Variants in SEC24D observed in about 807,000 individuals in gnomAD.
SEC24D encodes protein transport protein Sec24D.
In SEC24D, 69 loss-of-function variants were observed where a neutral mutation model predicts 116.9. That is an observed-to-expected ratio of 0.59 (90% CI 0.49 to 0.72). The LOEUF (loss-of-function observed/expected upper bound fraction) is 0.72, where lower values mean the gene tolerates loss of function less well. Among genes scored for constraint, SEC24D ranks in the 30% least tolerant of loss-of-function variants. SEC24D has a pLI of 0.00. For synonymous variants in SEC24D, 405 were observed against 442.8 expected, an observed-to-expected ratio of 0.91 and a Z score of 1.07; for missense variants, 1,131 against 1,264.1, an observed-to-expected ratio of 0.89 and a Z score of 1.60.
intron 6 of SEC24D, among the ~76,000 whole-genome samples, chr4:118,813,979 CA>C (rs1730028558): frequency 6.6e-6 from 1 of 152,192 alleles, no homozygotes; most frequent in Non-Finnish European, 1.5e-5. Context: ...TATTAATAAA[CA>C]GTAGTGCTAA....
At chr4:118,746,346 C>T (rs1044569329) in intron 13 of SEC24D, among the ~76,000 whole-genome samples, 2 of 151,684 alleles carry the variant, frequency 1.3e-5, no homozygotes, top group African/African-American at 2.4e-5. Context: ...GAGCTGCTAC[C>T]GACATTTATT....
intron 8 of SEC24D, among the ~76,000 whole-genome samples, chr4:118,792,679 A>C (rs1407246022): frequency 2.0e-5 from 3 of 152,214 alleles, no homozygotes; most frequent in Non-Finnish European, 4.4e-5. Context: ...TGTTAAACAG[A>C]TGCTTGAAGG....
At chr4:118,771,309 T>C (rs1727889928) in intron 8 of SEC24D, among the ~76,000 whole-genome samples, 1 of 152,194 alleles carries the variant, frequency 6.6e-6, no homozygotes, top group Non-Finnish European at 1.5e-5. Flanking sequence ...ATTTAGCTCT[T>C]AGTATATCCC....
intron 12 of SEC24D, 139 bp downstream of exon 12, chr4:118,752,553 TTAACA>T: frequency 1.7e-6 from 1 of 601,290 alleles, no homozygotes. Context: ...AAAGACTGAC[TTAACA>T]TAAATGATAG....
chr4:118,804,865 T>C (rs1342805762), intron 7 of SEC24D, among the ~76,000 whole-genome samples: 1 of 144,634 alleles, frequency 6.9e-6, no homozygotes, highest in African/African-American at 2.5e-5. Context: ...CATATAAGCA[T>C]ACTTATGTGT....
At chr4:118,831,667 A>G (rs1441672904) in intron 2 of SEC24D, among the ~76,000 whole-genome samples, 1 of 150,822 alleles carries the variant, frequency 6.6e-6, no homozygotes, top group Non-Finnish European at 1.5e-5. Flanking sequence ...TGTGTGGCCC[A>G]TGACAATTCT....
At chr4:118,833,780 G>A (rs1578488511) in intron 1 of SEC24D, 43 bp from the exon 2 acceptor site, 2 of 907,784 alleles carry the variant, frequency 2.2e-6, no homozygotes, top group East Asian at 2.5e-5. Flanking sequence ...GACAGTTTTA[G>A]TTACGTAAAG....
chr4:118,779,816 C>T (rs1241570054), intron 8 of SEC24D, among the ~76,000 whole-genome samples: 1 of 152,146 alleles, frequency 6.6e-6, no homozygotes, highest in Non-Finnish European at 1.5e-5. Flanking sequence ...TCAACTTCTT[C>T]CTGGTTTAGT....
At chr4:118,803,762 G>A (rs1424471761) in intron 7 of SEC24D, among the ~76,000 whole-genome samples, 1 of 152,034 alleles carries the variant, frequency 6.6e-6, no homozygotes, top group African/African-American at 2.4e-5. Context: ...AATTACCTAA[G>A]CATTCTGTGC....
intron 3 of SEC24D, 57 bp from the exon 4 acceptor site, chr4:118,817,469 A>G: frequency 4.1e-6 from 6 of 1,470,460 alleles, no homozygotes; most frequent in Non-Finnish European, 4.6e-6. Flanking sequence ...CAAATGGCGT[A>G]CAATAATGTT....
chr4:118,794,797 G>A (rs549147032), intron 8 of SEC24D, among the ~76,000 whole-genome samples: 2 of 152,222 alleles, frequency 1.3e-5, no homozygotes, highest in South Asian at 4.1e-4. Context: ...GATTTTGTAT[G>A]TACAGTTATA....
At chr4:118,767,696 AC>A (rs1727703571) in intron 9 of SEC24D, among the ~76,000 whole-genome samples, 1 of 151,872 alleles carries the variant, frequency 6.6e-6, no homozygotes, top group African/African-American at 2.4e-5. Flanking sequence ...TCCTCCTTAA[AC>A]AATCCAACAT....
At chr4:118,787,687 C>T (rs779607058) in intron 8 of SEC24D, among the ~76,000 whole-genome samples, 6 of 152,080 alleles carry the variant, frequency 3.9e-5, no homozygotes, top group Non-Finnish European at 7.4e-5. Context: ...TGCACGTGGC[C>T]GTGGTCCCTA....
intron 10 of SEC24D, among the ~76,000 whole-genome samples, chr4:118,762,348 G>A (rs961013129): frequency 4.6e-5 from 7 of 152,198 alleles, no homozygotes; most frequent in Non-Finnish European, 8.8e-5. Flanking sequence ...GTTACTTTCT[G>A]GATGTATGGC....
chr4:118,827,365 C>A (rs1211271924), intron 2 of SEC24D, among the ~76,000 whole-genome samples: 8 of 152,064 alleles, frequency 5.3e-5, no homozygotes, highest in African/African-American at 1.9e-4. Context: ...GAATCAGGTC[C>A]TTTATAGAGC....
At chr4:118,740,617 G>A (rs758440649) in intron 17 of SEC24D, 46 bp downstream of exon 17, 29 of 1,598,818 alleles carry the variant, frequency 1.8e-5, no homozygotes, top group East Asian at 6.7e-5. Flanking sequence ...GATCATTGTC[G>A]GCAACAAACT....
At chr4:118,797,349 C>T (rs1404541662) in intron 8 of SEC24D, among the ~76,000 whole-genome samples, 3 of 152,174 alleles carry the variant, frequency 2.0e-5, no homozygotes, top group Non-Finnish European at 2.9e-5. Context: ...CAACAGAACA[C>T]CCACAATGTA....
chr4:118,754,668 C>T (rs1030712747), intron 11 of SEC24D, among the ~76,000 whole-genome samples: 2 of 152,016 alleles, frequency 1.3e-5, no homozygotes, highest in Non-Finnish European at 2.9e-5. Context: ...AACTGATAAC[C>T]CAATAGTATA....
At chr4:118,799,346 C>A (rs115080469) in intron 7 of SEC24D, among the ~76,000 whole-genome samples, 1 of 152,030 alleles carries the variant, frequency 6.6e-6, no homozygotes. Context: ...GATGTTTTAA[C>A]GGGTGTGCGG....
Sources: gnomAD v4.1 joint callset for allele counts (sites outside exome capture counted in the v4.1 genomes callset) on GRCh38, gnomAD v4.1.1 for gene constraint, MANE v1.5 for transcripts, NCBI Gene and HGNC (gene_info 2026-07-23, HGNC 2026-07-21) for gene names.